TOX: variants seen among roughly 807,000 people sequenced by gnomAD.
The protein encoded by TOX is thymocyte selection-associated high mobility group box protein TOX.
TOX carries 11 observed loss-of-function variants against 53.7 expected under a neutral mutation model. The ratio of observed to expected loss-of-function variants is 0.20; its 90% CI spans 0.13 to 0.34. The LOEUF is 0.34. Among genes scored for constraint, TOX ranks in the 10% least tolerant of loss-of-function variants. The pLI is 1.00. For synonymous variants in TOX, 225 were observed against 245.3 expected (o/e 0.92, Z 0.77); for missense variants, 570 against 664.6 (o/e 0.86, Z 1.56).
chr8:59,033,548 T>C (rs1380155000), intron 1 of TOX, among the ~76,000 whole-genome samples: 1 of 152,190 alleles, frequency 6.6e-6, no homozygotes, highest in Admixed American at 6.5e-5. Flanking sequence ...TGTGAATTTT[T>C]CCACAATAAT....
At chr8:59,078,003 G>T (rs1236992923) in intron 1 of TOX, among the ~76,000 whole-genome samples, 36 of 151,914 alleles carry the variant, frequency 2.4e-4, no homozygotes, top group Admixed American at 2.4e-3. Context: ...AACTTTGGAG[G>T]GGAAAAATGA....
chr8:58,902,086 A>T lies in TOX; in HGVS notation c.411+37216T>A, dbSNP rs533052376. ...TGGTAACATATCTCCATATTTTATA[A>T]ATATTTCTATATTTATCTCAGTGCA... is the stretch of plus-strand genomic sequence containing the variant. On this transcript the variant is annotated intron_variant, in intron 3 of 8. Transcript: ENST00000361421. Among the ~76,000 whole-genome samples the T allele has an allele frequency of 1.4e-3, 209 of 152,270 alleles. 2 individuals are homozygous for T. The highest frequency in any genetic ancestry group is 4.8e-3 in the African/African-American group (199 of 41,564).
chr8:58,812,507 C>A (rs1185493062), intron 7 of TOX, among the ~76,000 whole-genome samples: 1 of 152,294 alleles, frequency 6.6e-6, no homozygotes, highest in East Asian at 1.9e-4. Context: ...GTATTTAAAG[C>A]GTGCTTCCTC....
intron 1 of TOX, among the ~76,000 whole-genome samples, chr8:59,099,997 A>G (rs1804777848): frequency 6.6e-6 from 1 of 152,138 alleles, no homozygotes. Flanking sequence ...AAGGCATTCC[A>G]GTTTCCATTT....
At chr8:58,872,494 A>G (rs1212782117) in intron 3 of TOX, among the ~76,000 whole-genome samples, 1 of 152,108 alleles carries the variant, frequency 6.6e-6, no homozygotes, top group East Asian at 1.9e-4. Flanking sequence ...TACATCAGTG[A>G]AACCTGACAA....
At chr8:59,090,722 G>A (rs554301407) in intron 1 of TOX, among the ~76,000 whole-genome samples, 6 of 152,182 alleles carry the variant, frequency 3.9e-5, no homozygotes, top group African/African-American at 1.4e-4. Flanking sequence ...AACTGTTCCA[G>A]ATCTTCACTC....
At chr8:58,925,418 G>T (rs1215404660) in intron 3 of TOX, among the ~76,000 whole-genome samples, 1 of 152,230 alleles carries the variant, frequency 6.6e-6, no homozygotes, top group Non-Finnish European at 1.5e-5. Flanking sequence ...GAAGGACGGG[G>T]TCCCATCCCC....
intron 3 of TOX, among the ~76,000 whole-genome samples, chr8:58,907,843 A>G (rs1418370344): frequency 1.3e-5 from 2 of 152,238 alleles, no homozygotes; most frequent in African/African-American, 4.8e-5. Flanking sequence ...TCTTGTACAG[A>G]AAGCCTATAT....
chr8:59,102,291 T>C (rs893189224), intron 1 of TOX, among the ~76,000 whole-genome samples: 1 of 152,118 alleles, frequency 6.6e-6, no homozygotes, highest in East Asian at 1.9e-4. Flanking sequence ...ACAGTGGGGC[T>C]ATCTCCACTC....
At chr8:59,027,023 C>T (rs1471692307) in intron 1 of TOX, among the ~76,000 whole-genome samples, 4 of 151,996 alleles carry the variant, frequency 2.6e-5, no homozygotes. Flanking sequence ...TCGTGATTAC[C>T]AAAATTCCAT....
intron 1 of TOX, among the ~76,000 whole-genome samples, chr8:59,110,525 C>T (rs1563449854): frequency 6.6e-6 from 1 of 152,090 alleles, no homozygotes; most frequent in African/African-American, 2.4e-5. Context: ...TAATCTTGCA[C>T]ATTATATTTC....
chr8:59,031,085 G>A (rs1421472473), intron 1 of TOX, among the ~76,000 whole-genome samples: 1 of 152,164 alleles, frequency 6.6e-6, no homozygotes, highest in African/African-American at 2.4e-5. Flanking sequence ...AGCCCAGTTG[G>A]TATGACACAT....
At chr8:59,088,220 A>G (rs930940769) in intron 1 of TOX, among the ~76,000 whole-genome samples, 3 of 152,220 alleles carry the variant, frequency 2.0e-5, no homozygotes, top group African/African-American at 7.2e-5. Context: ...TTAGCAGTGT[A>G]ATTTAGACTC....
intron 1 of TOX, among the ~76,000 whole-genome samples, chr8:59,055,241 C>CTGT (rs1466476505): frequency 6.6e-6 from 1 of 152,202 alleles, no homozygotes; most frequent in East Asian, 1.9e-4. Flanking sequence ...GGGACAAGCA[C>CTGT]TGTTGTAAAG....
chr8:58,982,074 A>G (rs1008684185), intron 1 of TOX, among the ~76,000 whole-genome samples: 1 of 152,112 alleles, frequency 6.6e-6, no homozygotes, highest in African/African-American at 2.4e-5. Context: ...GAACTTCTCA[A>G]AGTAACTTGG....
chr8:58,883,314 C>T (rs571783525), intron 3 of TOX, among the ~76,000 whole-genome samples: 2 of 152,280 alleles, frequency 1.3e-5, no homozygotes, highest in Non-Finnish European at 2.9e-5. Flanking sequence ...CAGTAAATGG[C>T]CTAAAGGACT....
At chr8:59,063,318 T>A (rs1804023404) in intron 1 of TOX, among the ~76,000 whole-genome samples, 2 of 152,166 alleles carry the variant, frequency 1.3e-5, no homozygotes, top group Admixed American at 1.3e-4. Flanking sequence ...TGCTTATTTT[T>A]ATGTTTCTCA....
intron 1 of TOX, among the ~76,000 whole-genome samples, chr8:59,049,222 A>G (rs1210331688): frequency 6.6e-6 from 1 of 152,194 alleles, no homozygotes; most frequent in East Asian, 1.9e-4. Context: ...CCAAAAAATC[A>G]GTTAATTAAT....
Position 59,116,084 on chromosome 8 carries a change from A to G in TOX, c.102+2802T>C, listed in dbSNP as rs556950651. Among the ~76,000 whole-genome samples, 4 of 152,298 alleles carry G rather than the reference A, an allele frequency of 2.6e-5. No homozygotes were observed. The South Asian group carries it at 8.3e-4, about 32-fold the overall frequency. On this transcript the variant is annotated intron_variant, in intron 1 of 8. Coordinates refer to ENST00000361421, the MANE Select transcript of TOX (RefSeq NM_014729.3). ...AGAGTCTCTTCTGACATTGAAAAAA[A>G]TGTCACCGGGAAACTGTAGCTACAG...
Sources: gnomAD v4.1 joint callset for allele counts (sites outside exome capture counted in the v4.1 genomes callset) on GRCh38, gnomAD v4.1.1 for gene constraint, MANE v1.5 for transcripts, NCBI Gene and HGNC (gene_info 2026-07-23, HGNC 2026-07-21) for gene names.